Variants in PLEKHA7 observed in about 807,000 individuals in gnomAD.
The protein encoded by PLEKHA7 is pleckstrin homology domain containing A7, also known as pleckstrin homology domain-containing family A member 7.
In PLEKHA7, 104 loss-of-function variants were observed where a neutral mutation model predicts 170.0. The observed-to-expected ratio is 0.61, with a 90% CI of 0.52 to 0.72. PLEKHA7 has a LOEUF of 0.72. Ranked by LOEUF, PLEKHA7 falls within the 30% of genes least tolerant of loss-of-function variation. The pLI is 0.00. For missense variants in PLEKHA7, 1,615 were observed against 1,671.7 expected (o/e 0.97, Z 0.59); for synonymous variants, 648 against 660.8 (o/e 0.98, Z 0.30).
chr11:16,819,863 G>A (rs978245216), intron 10 of PLEKHA7, among the ~76,000 whole-genome samples: 1 of 152,162 alleles, frequency 6.6e-6, no homozygotes, highest in Non-Finnish European at 1.5e-5. Flanking sequence ...GGAGGAATAA[G>A]TTCTGGTGAC....
intron 3 of PLEKHA7, among the ~76,000 whole-genome samples, chr11:16,910,006 T>C (rs776093581): frequency 4.6e-5 from 7 of 152,064 alleles, no homozygotes; most frequent in Non-Finnish European, 5.9e-5. Flanking sequence ...AGATCAAATT[T>C]AAAGTGGGAG....
In PLEKHA7 at chr11:17,008,177, G is replaced by T. The variant is rs192573302; in HGVS notation, c.221+5812C>A. 1.9e-4 allele frequency among the ~76,000 whole-genome samples: 29 copies of T among 152,238 alleles called. No homozygotes were observed. The East Asian group carries it at 5.0e-3, about 26-fold the overall frequency. On this transcript the variant is annotated intron_variant, in intron 3 of 26. Coordinates refer to ENST00000531066, the MANE Select transcript of PLEKHA7 (RefSeq NM_001329630.2). ...CAAGAAGAAAGTACCTACACAGGGT[G>T]GCTCCACACAACCCCAAAGCTAAAA...
At chr11:16,790,720 G>T in intron 21 of PLEKHA7, 78 bp downstream of exon 21, 1 of 1,417,374 alleles carries the variant, frequency 7.1e-7, no homozygotes, top group Admixed American at 1.8e-5. Context: ...GCAGGCAGAA[G>T]GGTACGAGGC....
intron 9 of PLEKHA7, among the ~76,000 whole-genome samples, chr11:16,827,772 A>T (rs1229975065): frequency 6.6e-6 from 1 of 152,070 alleles, no homozygotes; most frequent in Non-Finnish European, 1.5e-5. Flanking sequence ...ATGGACTAGA[A>T]AAAATAACAA....
intron 3 of PLEKHA7, among the ~76,000 whole-genome samples, chr11:16,875,109 T>G (rs1471268338): frequency 6.6e-6 from 1 of 152,328 alleles, no homozygotes; most frequent in Non-Finnish European, 1.5e-5. Context: ...TTCTTCAAAC[T>G]TTTTTCCCTA....
intron 3 of PLEKHA7, among the ~76,000 whole-genome samples, chr11:16,884,590 G>A (rs1004117478): frequency 2.0e-5 from 3 of 151,880 alleles, no homozygotes. Flanking sequence ...AGCCGAGATT[G>A]CATCACTGCA....
intron 10 of PLEKHA7, among the ~76,000 whole-genome samples, chr11:16,821,368 A>G (rs1850202953): frequency 6.6e-6 from 1 of 152,196 alleles, no homozygotes; most frequent in Non-Finnish European, 1.5e-5. Flanking sequence ...AGGGTGGGAA[A>G]ATGAAAGCCT....
At chr11:16,820,706 C>T (rs1301044196) in intron 10 of PLEKHA7, among the ~76,000 whole-genome samples, 1 of 152,216 alleles carries the variant, frequency 6.6e-6, no homozygotes, top group Admixed American at 6.5e-5. Flanking sequence ...CTCTGCAGCT[C>T]ACTCCCCTTG....
At position 16,779,022 on chromosome 11, in the gene PLEKHA7, TG is replaced by T. The variant is rs1848826142; in HGVS notation, c.3794-3del. 2 of 702,446 alleles carry T rather than the reference TG, an allele frequency of 2.8e-6. No individual in the cohort carries two copies. The highest frequency in any genetic ancestry group is 4.0e-5 in the Admixed American group (2 of 49,994). The allele number at this position is 702,446 out of a possible 1,614,324, so 43.5% of individuals were successfully genotyped here. A position where few individuals can be genotyped will look rare whatever the true frequency, so the allele number is the denominator to read the frequency against. On this transcript the variant is annotated splice_polypyrimidine_tract_variant and splice_region_variant and intron_variant, in intron 26 of 26. Coordinates refer to ENST00000531066, the MANE Select transcript of PLEKHA7 (RefSeq NM_001329630.2). Reference sequence around the variant, plus strand: ...GTCACGGGTCAGTCACTGCCTGGGCTGGCAAAAAGCACAGGAGACAGTGAGA... The same window carrying T: ...GTCACGGGTCAGTCACTGCCTGGGCTGCAAAAAGCACAGGAGACAGTGAGA...
At chr11:16,816,664 T>C in intron 11 of PLEKHA7, 136 bp downstream of exon 11, 1 of 1,062,128 alleles carries the variant, frequency 9.4e-7, no homozygotes, top group Non-Finnish European at 1.3e-6. Flanking sequence ...GTGCCTGGCA[T>C]CTATTATTAA....
intron 3 of PLEKHA7, among the ~76,000 whole-genome samples, chr11:16,959,230 T>TG (rs1554983279): frequency 4.4e-4 from 47 of 105,768 alleles, no homozygotes; most frequent in Admixed American, 3.9e-3. Flanking sequence ...CTCCCCTCTC[T>TG]CCCCCTCAGG....
chr11:16,911,962 C>T (rs536702525), intron 3 of PLEKHA7, among the ~76,000 whole-genome samples: 1 of 152,274 alleles, frequency 6.6e-6, no homozygotes, highest in South Asian at 2.1e-4. Context: ...CAGAAATGGG[C>T]ACAAGATACA....
intron 17 of PLEKHA7, among the ~76,000 whole-genome samples, chr11:16,797,664 A>T (rs1353657481): frequency 1.3e-5 from 2 of 152,178 alleles, no homozygotes; most frequent in Non-Finnish European, 2.9e-5. Flanking sequence ...CTCCATGCCA[A>T]AGCATGAGCA....
intron 3 of PLEKHA7, among the ~76,000 whole-genome samples, chr11:16,938,110 A>G (rs1416058792): frequency 6.6e-6 from 1 of 151,802 alleles, no homozygotes; most frequent in African/African-American, 2.4e-5. Context: ...TCAAATTCCT[A>G]TTTCTATTTT....
intron 24 of PLEKHA7, among the ~76,000 whole-genome samples, chr11:16,785,275 G>A (rs568737638): frequency 6.6e-6 from 1 of 152,308 alleles, no homozygotes; most frequent in South Asian, 2.1e-4. Flanking sequence ...ACAGACCTGG[G>A]GGAAAGTTTT....
chr11:16,806,938 TCA>T (rs1281727678), intron 13 of PLEKHA7, among the ~76,000 whole-genome samples: 68 of 151,274 alleles, frequency 4.5e-4, no homozygotes, highest in African/African-American at 1.7e-3. Flanking sequence ...AAACATGGAG[TCA>T]CAGAAAACTG....
chr11:16,814,135 G>C (rs999280320), intron 12 of PLEKHA7, among the ~76,000 whole-genome samples: 6 of 152,192 alleles, frequency 3.9e-5, no homozygotes, highest in Admixed American at 3.9e-4. Context: ...AAGGACAACT[G>C]TCAGGGGCAC....
chr11:16,783,488 C>T (rs945616397), intron 25 of PLEKHA7, among the ~76,000 whole-genome samples: 6 of 152,228 alleles, frequency 3.9e-5, no homozygotes, highest in Admixed American at 6.5e-5. Flanking sequence ...GAAGCCTCTA[C>T]GAATGTTGCA....
intron 3 of PLEKHA7, among the ~76,000 whole-genome samples, chr11:16,980,385 G>A (rs1048681011): frequency 6.6e-6 from 1 of 152,212 alleles, no homozygotes; most frequent in Admixed American, 6.5e-5. Flanking sequence ...GAGAGAGCCT[G>A]GCAAGTGGGC....
Sources: gnomAD v4.1 joint callset for allele counts (sites outside exome capture counted in the v4.1 genomes callset) on GRCh38, gnomAD v4.1.1 for gene constraint, MANE v1.5 for transcripts, NCBI Gene and HGNC (gene_info 2026-07-23, HGNC 2026-07-21) for gene names.